Variants in DENND2B observed in about 807,000 individuals in gnomAD.
The protein encoded by DENND2B is DENN domain-containing protein 2B.
DENND2B carries 32 observed loss-of-function variants against 116.0 expected under a neutral mutation model. That is an observed-to-expected ratio of 0.28 (90% confidence interval 0.21 to 0.37). The LOEUF (loss-of-function observed/expected upper bound fraction) is 0.37. DENND2B is among the 10% of genes least tolerant of loss of function. The pLI, the probability that DENND2B is intolerant of heterozygous loss-of-function variation, is 1.00. For synonymous variants in DENND2B, 588 were observed against 583.9 expected, an observed-to-expected ratio of 1.01 and a Z score of -0.10; for missense variants, 1,276 against 1,477.7, an observed-to-expected ratio of 0.86 and a Z score of 2.24.
chr11:8,836,073 G>A (rs2062410703), intron 4 of DENND2B, among the ~76,000 whole-genome samples: 1 of 151,774 alleles, frequency 6.6e-6, no homozygotes. Context: ...TAGGGCCGGG[G>A]ATGGTGACTC....
chr11:8,819,950 T>C (rs925579397), intron 4 of DENND2B, among the ~76,000 whole-genome samples: 2 of 152,264 alleles, frequency 1.3e-5, no homozygotes, highest in Non-Finnish European at 1.5e-5. Flanking sequence ...TGTACTGCCA[T>C]TGCAACTTTT....
At chr11:8,773,004 G>C (rs540803486) in intron 1 of DENND2B, among the ~76,000 whole-genome samples, 2 of 152,234 alleles carry the variant, frequency 1.3e-5, no homozygotes, top group African/African-American at 2.4e-5. Flanking sequence ...TGAGCCCTGA[G>C]TTTTAGTGCC....
chr11:8,811,554 A>T, upstream of DENND2B: 1 of 378,306 alleles, frequency 2.6e-6, no homozygotes, highest in Non-Finnish European at 4.7e-6. Context: ...GACACGGCAG[A>T]CCCCCTAAGT....
chr11:8,694,208 TA>T, intron 19 of DENND2B, 78 bp from the exon 20 acceptor site: 2 of 1,539,968 alleles, frequency 1.3e-6, no homozygotes, highest in Non-Finnish European at 9.0e-7. Flanking sequence ...CTTGTAGCCC[TA>T]ACCCTGTCAG....
chr11:8,784,754 C>T (rs1042801329), intron 1 of DENND2B, among the ~76,000 whole-genome samples: 6 of 151,686 alleles, frequency 4.0e-5, no homozygotes, highest in African/African-American at 1.2e-4. Flanking sequence ...AGGAGAATGG[C>T]TTGAACCTGG....
chr11:8,776,440 G>A (rs771511124), intron 1 of DENND2B: 13 of 361,964 alleles, frequency 3.6e-5, no homozygotes, highest in Admixed American at 1.1e-4. Context: ...GAGGACACAG[G>A]AAGGAAAACA....
intron 1 of DENND2B, among the ~76,000 whole-genome samples, chr11:8,765,350 G>T (rs1400522151): frequency 6.6e-6 from 1 of 152,206 alleles, no homozygotes; most frequent in African/African-American, 2.4e-5. Flanking sequence ...GTGCCCCAAA[G>T]CCCCATGATG....
intron 4 of DENND2B, among the ~76,000 whole-genome samples, chr11:8,817,092 G>C (rs571255484): frequency 6.6e-6 from 1 of 152,276 alleles, no homozygotes; most frequent in Admixed American, 6.5e-5. Flanking sequence ...TTACAGAATG[G>C]GGAAATTAGG....
chr11:8,700,155 AG>A (rs1481589228), intron 14 of DENND2B: 1 of 371,904 alleles, frequency 2.7e-6, no homozygotes, highest in Non-Finnish European at 5.3e-6. Flanking sequence ...AGGCTCTCTT[AG>A]GGGCCACTAA....
intron 2 of DENND2B, among the ~76,000 whole-genome samples, chr11:8,739,372 T>C (rs1178353667): frequency 6.6e-6 from 1 of 152,240 alleles, no homozygotes; most frequent in African/African-American, 2.4e-5. Context: ...CTCTAAGTTC[T>C]CTGTGCCTCA....
chr11:8,727,748 C>T (rs749403407), intron 3 of DENND2B, among the ~76,000 whole-genome samples: 5 of 152,122 alleles, frequency 3.3e-5, no homozygotes, highest in Admixed American at 6.5e-5. Context: ...TTGGCATATA[C>T]AGTAGACTCA....
chr11:8,712,751 A>T lies in DENND2B; in HGVS notation c.1988-16T>A. On this transcript the variant is annotated splice_polypyrimidine_tract_variant and intron_variant, in intron 8 of 19. Coordinates refer to ENST00000313726, the MANE Select transcript of DENND2B (RefSeq NM_213618.2). The surrounding 1 kb of genome is among the most constrained non-coding windows in gnomAD (Gnocchi z 4.4). ...TGTGTGTGGGCTGGAGGCAGGTTGC[A>T]CATCAGGGAATGGACCCTCACAGGC... 1.2e-6 allele frequency: 2 copies of T among 1,602,644 alleles called. No individual in the cohort carries two copies. The highest frequency in any genetic ancestry group is 1.7e-6 in the Non-Finnish European group (2 of 1,174,488).
chr11:8,889,252 G>C (rs1327793245), intron 1 of DENND2B, among the ~76,000 whole-genome samples: 1 of 152,196 alleles, frequency 6.6e-6, no homozygotes, highest in Non-Finnish European at 1.5e-5. Context: ...GCCTTAAAAA[G>C]GATGGACAGG....
At chr11:8,802,597 T>C (rs2060454957) in intron 1 of DENND2B, among the ~76,000 whole-genome samples, 1 of 152,200 alleles carries the variant, frequency 6.6e-6, no homozygotes. Context: ...ACTCTCCTAT[T>C]GGATGGCTCT....
At chr11:8,818,216 T>C (rs969203344) in intron 4 of DENND2B, among the ~76,000 whole-genome samples, 1 of 144,794 alleles carries the variant, frequency 6.9e-6, no homozygotes, top group Non-Finnish European at 1.5e-5. Context: ...TGAGCTGAGA[T>C]CACACCACCG....
intron 11 of DENND2B, chr11:8,708,232 C>T (rs2042961373): frequency 1.0e-6 from 1 of 985,356 alleles, no homozygotes; most frequent in Admixed American, 6.1e-5. Flanking sequence ...GACTAGGGTA[C>T]ATCCTTAGGA....
chr11:8,899,643 T>C (rs996610248), intron 1 of DENND2B, among the ~76,000 whole-genome samples: 6 of 152,162 alleles, frequency 3.9e-5, no homozygotes, highest in African/African-American at 1.4e-4. Flanking sequence ...TAAAGACAGT[T>C]GATAAACAAA....
At chr11:8,909,285 G>A (rs1254935404) in intron 1 of DENND2B, among the ~76,000 whole-genome samples, 1 of 152,172 alleles carries the variant, frequency 6.6e-6, no homozygotes, top group Non-Finnish European at 1.5e-5. Context: ...GATCGCTTGA[G>A]CCCAGGAGGT....
upstream of DENND2B, among the ~76,000 whole-genome samples, chr11:8,812,595 A>G (rs549689773): frequency 1.3e-5 from 2 of 152,302 alleles, no homozygotes; most frequent in African/African-American, 4.8e-5. Flanking sequence ...TCTTGAGTAC[A>G]TTAAGCACAG....
Sources: gnomAD v4.1 joint callset for allele counts (sites outside exome capture counted in the v4.1 genomes callset) on GRCh38, gnomAD v4.1.1 for gene constraint, Gnocchi (gnomAD v3.1) non-coding constraint, MANE v1.5 for transcripts, NCBI Gene and HGNC (gene_info 2026-07-23, HGNC 2026-07-21) for gene names.